UIMC1: variants seen among roughly 807,000 people sequenced by gnomAD.
UIMC1 encodes ubiquitin interaction motif containing 1, also known as BRCA1-A complex subunit RAP80.
In UIMC1, 42 loss-of-function variants were observed where a neutral mutation model predicts 84.9. The observed-to-expected ratio is 0.49, with a 90% CI of 0.39 to 0.64. The LOEUF is 0.64. Ranked by LOEUF, UIMC1 falls within the 30% of genes least tolerant of loss-of-function variation. The pLI is 0.00. For synonymous variants in UIMC1, 281 were observed against 293.0 expected, an observed-to-expected ratio of 0.96 and a Z score of 0.42; for missense variants, 825 against 847.6, an observed-to-expected ratio of 0.97 and a Z score of 0.33.
chr5:176,915,267 T>C (rs1760823903), intron 10 of UIMC1, among the ~76,000 whole-genome samples: 1 of 149,628 alleles, frequency 6.7e-6, no homozygotes, highest in African/African-American at 2.5e-5. Flanking sequence ...CTCTTCAGCA[T>C]CCTCAGCAGA....
chr5:176,996,214 C>G (rs1773587776), intron 1 of UIMC1, among the ~76,000 whole-genome samples: 2 of 152,088 alleles, frequency 1.3e-5, no homozygotes, highest in African/African-American at 4.8e-5. Context: ...ATGATTCTAC[C>G]TGTATGAAAC....
chr5:176,958,645 G>T (rs971872120), intron 6 of UIMC1, among the ~76,000 whole-genome samples: 1 of 152,106 alleles, frequency 6.6e-6, no homozygotes, highest in Non-Finnish European at 1.5e-5. Flanking sequence ...TGATCTTTGA[G>T]AAAAACCAAG....
In UIMC1 at chr5:177,003,131, C is replaced by A. The variant is rs537166295; in HGVS notation, c.-9+3519G>T. On this transcript the variant is annotated intron_variant, in intron 1 of 14. Coordinates refer to ENST00000511320, the MANE Select transcript of UIMC1 (RefSeq NM_001199298.2). ...AAAGGTAAAAAAAATTAAAGTGCCA[C>A]GAAGCACTTTATCAACTAATTACAA... Among the ~76,000 whole-genome samples, 88 of 152,026 alleles carry A rather than the reference C, an allele frequency of 5.8e-4. 1 individual carries two copies. Among genetic ancestry groups the A allele is most frequent in the Non-Finnish European group, 2.1e-4 (14 of 67,988 alleles).
chr5:176,919,192 T>C (rs919233301), intron 10 of UIMC1: 10 of 398,600 alleles, frequency 2.5e-5, no homozygotes, highest in African/African-American at 8.7e-5. Context: ...GGTGGGAGGA[T>C]TGCTTGAGGT....
chr5:176,944,948 T>C (rs907103951), intron 9 of UIMC1, among the ~76,000 whole-genome samples: 62 of 152,294 alleles, frequency 4.1e-4, no homozygotes, highest in African/African-American at 1.4e-3. Flanking sequence ...TGGACAGAAG[T>C]ATCACTAGTT....
At chr5:176,954,535 G>A (rs527411037) in intron 8 of UIMC1, among the ~76,000 whole-genome samples, 1 of 151,896 alleles carries the variant, frequency 6.6e-6, no homozygotes, top group African/African-American at 2.4e-5. Flanking sequence ...AGGAGTTTAA[G>A]GTCAGCCTGG....
At chr5:176,957,631 G>T (rs1766766491) in intron 7 of UIMC1, among the ~76,000 whole-genome samples, 2 of 152,118 alleles carry the variant, frequency 1.3e-5, no homozygotes, top group Non-Finnish European at 2.9e-5. Context: ...TGAAGAGGAT[G>T]TTAAGTCTCA....
intron 6 of UIMC1, among the ~76,000 whole-genome samples, chr5:176,965,824 T>C (rs563464167): frequency 1.3e-5 from 2 of 152,304 alleles, no homozygotes; most frequent in South Asian, 2.1e-4. Flanking sequence ...AACACAGAAC[T>C]TGACACAAGT....
intron 1 of UIMC1, among the ~76,000 whole-genome samples, chr5:177,013,399 C>CAT (rs1775601350): frequency 6.7e-6 from 1 of 149,574 alleles, no homozygotes; most frequent in African/African-American, 2.5e-5. Context: ...CACACACACA[C>CAT]ACAAAGATAC....
chr5:176,982,783 G>A (rs1214459853), intron 1 of UIMC1, among the ~76,000 whole-genome samples, 160 bp from the exon 2 acceptor site: 4 of 152,014 alleles, frequency 2.6e-5, no homozygotes, highest in South Asian at 2.1e-4. Flanking sequence ...CACTGCAACC[G>A]CTGCCTCCCA....
chr5:176,975,006 A>G (rs1769845831), intron 3 of UIMC1, among the ~76,000 whole-genome samples: 1 of 151,966 alleles, frequency 6.6e-6, no homozygotes, highest in South Asian at 2.1e-4. Flanking sequence ...AATTAAAATT[A>G]GCCAGGCGTC....
chr5:176,928,616 T>C (rs143637479), intron 10 of UIMC1, among the ~76,000 whole-genome samples: 128 of 152,346 alleles, frequency 8.4e-4, no homozygotes, highest in African/African-American at 2.9e-3. Flanking sequence ...AAAACAATTA[T>C]TGGACTCAAC....
At chr5:176,972,297 G>A (rs766845910) in intron 3 of UIMC1, among the ~76,000 whole-genome samples, 13 of 151,964 alleles carry the variant, frequency 8.6e-5, no homozygotes, top group Non-Finnish European at 1.6e-4. Context: ...AGCTACTCAC[G>A]AGGCTGAGGC....
At chr5:176,937,773 C>T (rs969342932) in intron 10 of UIMC1, among the ~76,000 whole-genome samples, 1 of 152,136 alleles carries the variant, frequency 6.6e-6, no homozygotes, top group Non-Finnish European at 1.5e-5. Flanking sequence ...GTCTAGGATC[C>T]GCTTCAGGGG....
rs1470956136 is a variant in UIMC1 at position 176,968,588 on chromosome 5, C to A, written c.1167G>T (p.Leu389Phe). The change falls in exon 6 of 15, where the codon TTG (leucine) becomes TTT (phenylalanine). Residue 389 changes from leucine (L) to phenylalanine (F), a missense_variant. By Grantham distance (22) the Leu-to-Phe change is conservative. Transcript: ENST00000511320. ...SSIKSLKEKL[L>F]LEEEPTTSHG... ...GACTGGTTGTTGGTTCTTCCTCCAA[C>A]AAAAGTTTCTCTTTCAAGCTTTTAA... is the stretch of plus-strand genomic sequence containing the variant. The A allele has an allele frequency of 1.9e-6, 3 of 1,612,326 alleles. No individual in the cohort carries two copies. The Admixed American group carries it at 5.0e-5, about 27-fold the overall frequency.
intron 1 of UIMC1, among the ~76,000 whole-genome samples, chr5:176,991,151 G>A (rs1237758119): frequency 6.6e-6 from 1 of 151,720 alleles, no homozygotes; most frequent in Non-Finnish European, 1.5e-5. Flanking sequence ...GGGATTACAG[G>A]CGCCCGCCAC....
chr5:176,970,772 G>A lies in UIMC1; in HGVS notation c.327C>T (p.Leu109=), dbSNP rs368946294. The A allele has an allele frequency of 2.0e-5, 33 of 1,613,944 alleles. No homozygotes were observed. In the African/African-American group the frequency reaches 3.5e-4, roughly 17 times the overall value. ...VNSQEEEEEE[L]LRKAIAESLN... is the part of the protein sequence containing the mutation. ...GGCTTTCAGCAATGGCTTTCCTCAA[G>A]AGCTCCTCTTCTTCCTCCTCCTGGC... The change falls in exon 4 of 15, where the codon CTC becomes CTT. Residue 109 remains leucine (L), a synonymous_variant. Coordinates refer to ENST00000511320, the MANE Select transcript of UIMC1 (RefSeq NM_001199298.2).
chr5:176,996,762 C>T lies in UIMC1; in HGVS notation c.-9+9888G>A, dbSNP rs1326670006. Reference sequence around the variant, plus strand: ...AGTACCAACCACTGCACTGCAACAGCTGAAGGGAACAGATGAGATGTGGAG... The same window carrying T: ...AGTACCAACCACTGCACTGCAACAGTTGAAGGGAACAGATGAGATGTGGAG... On this transcript the variant is annotated intron_variant, in intron 1 of 14. Transcript: ENST00000511320. Among the ~76,000 whole-genome samples the T allele has an allele frequency of 2.6e-5, 4 of 152,230 alleles. No homozygotes were observed. In the East Asian group the frequency reaches 7.7e-4, roughly 29 times the overall value.
chr5:176,937,492 C>CA (rs1763852868), intron 10 of UIMC1, among the ~76,000 whole-genome samples: 1 of 151,604 alleles, frequency 6.6e-6, no homozygotes, highest in South Asian at 2.1e-4. Context: ...GACTCTGTCT[C>CA]AAAAAATAAA....
Sources: allele counts gnomAD v4.1 joint callset (sites outside exome capture counted in the v4.1 genomes callset), GRCh38; gene constraint gnomAD v4.1.1; transcripts MANE v1.5; gene names NCBI Gene and HGNC (gene_info 2026-07-23, HGNC 2026-07-21).